The following BRCA1 variants were observed in gnomAD, a reference collection of about 807,000 sequenced individuals.
BRCA1 encodes the protein breast cancer type 1 susceptibility protein.
A neutral mutation model predicts 173.7 loss-of-function variants in BRCA1; 140 were observed. The observed-to-expected ratio is 0.81, with a 90% confidence interval of 0.70 to 0.93. The LOEUF (loss-of-function observed/expected upper bound fraction) is 0.93. Among genes scored for constraint, BRCA1 ranks in the 40% least tolerant of loss-of-function variants. BRCA1 has a pLI of 0.00. For synonymous variants in BRCA1, 662 were observed against 756.0 expected, an observed-to-expected ratio of 0.88 and a Z score of 2.04; for missense variants, 1,983 against 2,172.5, an observed-to-expected ratio of 0.91 and a Z score of 1.73.
intron 19 of BRCA1, among the ~76,000 whole-genome samples, chr17:43,056,407 T>C (rs751814703): frequency 7.2e-5 from 11 of 152,092 alleles, no homozygotes; most frequent in Non-Finnish European, 5.9e-5. Context: ...TCGAACTCCT[T>C]GGCTCAAGCG....
chr17:43,096,376 C>CAAAAAAAAAAAAAAAAAAAAAAAAAAA (rs71160005), intron 8 of BRCA1, among the ~76,000 whole-genome samples: 1 of 74,210 alleles, frequency 1.3e-5, no homozygotes, highest in Non-Finnish European at 2.6e-5. Flanking sequence ...GACTCTGTCT[C>CAAAAAAAAAAAAAAAAAAAAAAAAAAA]AAAAAAAAAA....
chr17:43,130,961 C>A (rs1000343938), intron 1 of BRCA1, among the ~76,000 whole-genome samples: 1 of 152,162 alleles, frequency 6.6e-6, no homozygotes, highest in East Asian at 1.9e-4. Context: ...GTTCTGACTT[C>A]TTCTATGAAT....
intron 8 of BRCA1, among the ~76,000 whole-genome samples, chr17:43,096,465 G>GC (rs2054143025): frequency 6.6e-6 from 1 of 150,668 alleles, no homozygotes; most frequent in Non-Finnish European, 1.5e-5. Context: ...CCAGCTACTC[G>GC]TGAGATTGAG....
chr17:43,100,943 C>T (rs2054447739), intron 6 of BRCA1, among the ~76,000 whole-genome samples: 1 of 151,076 alleles, frequency 6.6e-6, no homozygotes, highest in African/African-American at 2.4e-5. Context: ...GTTGGCCAGG[C>T]TGGTCTCACA....
chr17:43,077,335 CTT>C (rs68171917), intron 12 of BRCA1, among the ~76,000 whole-genome samples: 4 of 145,628 alleles, frequency 2.7e-5, no homozygotes, highest in Non-Finnish European at 3.0e-5. Context: ...CATGTTAGTT[CTT>C]TTTTTTTTTT....
intron 1 of BRCA1, among the ~76,000 whole-genome samples, chr17:43,135,390 G>A (rs1052986159): frequency 1.3e-5 from 2 of 152,258 alleles, no homozygotes; most frequent in Admixed American, 1.3e-4. Context: ...TGCTGTGGCG[G>A]TAGCTCACCA....
At chr17:43,048,020 G>A (rs1223824697) in intron 21 of BRCA1, among the ~76,000 whole-genome samples, 6 of 151,778 alleles carry the variant, frequency 4.0e-5, no homozygotes, top group South Asian at 2.1e-4. Flanking sequence ...CTTCACCCCC[G>A]GGATTATAGG....
chr17:43,142,203 T>C (rs2056080518), intron 1 of BRCA1, among the ~76,000 whole-genome samples: 2 of 152,224 alleles, frequency 1.3e-5, no homozygotes. Flanking sequence ...CGTGAGCCAC[T>C]GTGCCCAGCC....
rs886377861 is a variant in BRCA1 at position 43,044,304 on chromosome 17, T to G, written c.*1374A>C. The G allele has an allele frequency of 4.2e-6, 2 of 473,340 alleles. No homozygotes were observed. Among genetic ancestry groups the G allele is most frequent in the Admixed American group, 4.8e-5 (2 of 41,476 alleles). 29.3% of individuals were successfully genotyped at this position (473,340 alleles called of 1,614,324 possible). A position where few individuals can be genotyped will look rare whatever the true frequency, so the allele number is the denominator to read the frequency against. ...GAACAGTCATTCATGGTGGAAGTGTTTGCTACCAAGTTTATTTGCAGTGTT... is the reference window on the plus strand; with the variant it reads ...GAACAGTCATTCATGGTGGAAGTGTGTGCTACCAAGTTTATTTGCAGTGTT... On this transcript the variant is annotated 3_prime_UTR_variant, in exon 23 of 23. Transcript: ENST00000357654.
intron 15 of BRCA1, among the ~76,000 whole-genome samples, 174 bp from the exon 16 acceptor site, chr17:43,067,869 C>T (rs1597826687): frequency 1.1e-5 from 1 of 88,504 alleles, no homozygotes; most frequent in Non-Finnish European, 2.1e-5. Context: ...CAGAGTCTTG[C>T]TCTGTCACCC....
chr17:43,100,393 G>A (rs895131569), intron 6 of BRCA1, among the ~76,000 whole-genome samples: 5 of 148,470 alleles, frequency 3.4e-5, no homozygotes, highest in Admixed American at 6.9e-5. Flanking sequence ...CCAGGCTGGA[G>A]TGCAGTGGCG....
At chr17:43,164,753 C>T (rs1255692800) in intron 1 of BRCA1, 2 of 152,114 alleles carry the variant, frequency 1.3e-5, no homozygotes, top group Non-Finnish European at 2.9e-5. Context: ...TCGAGTTTTT[C>T]TTCTTTCCAC....
chr17:43,127,455 A>T (rs536239640), upstream of BRCA1, among the ~76,000 whole-genome samples: 22 of 152,326 alleles, frequency 1.4e-4, no homozygotes, highest in Non-Finnish European at 2.1e-4. Flanking sequence ...CTCTGTGTCT[A>T]GCTCAAGGTT....
intron 1 of BRCA1, among the ~76,000 whole-genome samples, chr17:43,137,297 G>A (rs1290486562): frequency 1.0e-5 from 1 of 99,574 alleles, no homozygotes; most frequent in Non-Finnish European, 1.9e-5. Flanking sequence ...GGAGGGGGGA[G>A]GGATAGCATT....
In BRCA1 at chr17:43,071,179, G is replaced by C. The variant is rs145466894; in HGVS notation, c.4735C>G (p.Pro1579Ala). 4.3e-6 allele frequency: 7 copies of C among 1,614,060 alleles called. No homozygotes were observed. In the African/African-American group the frequency reaches 9.3e-5, roughly 22 times the overall value. ...GACTCTGGGGCTCTGTCTTCAGAAGGATCAGATTCAGGGTCATCAGAGAAG... is the reference window on the plus strand; with the variant it reads ...GACTCTGGGGCTCTGTCTTCAGAAGCATCAGATTCAGGGTCATCAGAGAAG... ...SLFSDDPESD[P>A]SEDRAPESAR... The change falls in exon 15 of 23, where the codon CCT becomes GCT. Residue 1579 changes from proline (P) to alanine (A), a missense_variant. Physicochemically the swap from Pro to Ala is conservative, Grantham distance 27 (BLOSUM62 -1). Coordinates refer to ENST00000357654, the MANE Select transcript of BRCA1 (RefSeq NM_007294.4).
At chr17:43,151,100 G>C (rs1415323904) in intron 1 of BRCA1, among the ~76,000 whole-genome samples, 10 of 152,148 alleles carry the variant, frequency 6.6e-5, no homozygotes, top group Admixed American at 6.6e-4. Context: ...GGGGGCAATG[G>C]GACAGTGAAA....
chr17:43,155,694 G>A (rs763389794), intron 1 of BRCA1, among the ~76,000 whole-genome samples: 20 of 152,020 alleles, frequency 1.3e-4, no homozygotes, highest in Non-Finnish European at 2.8e-4. Flanking sequence ...TGCCATGCCT[G>A]GCTAATTTTT....
In BRCA1 at chr17:43,124,062, T is replaced by G. The variant is rs1555601006; in HGVS notation, c.35A>C (p.Gln12Pro). The part of the protein sequence containing the change: ...DLSALRVEEV[Q>P]NVINAMQKIL... ...TTTCTGCATAGCATTAATGACATTT[T>G]GTACTTCTTCAACGCGAAGAGCAGA... Residue 12 changes from glutamine (Q) to proline (P), a missense_variant, in exon 2 of 23, where the codon CAA becomes CCA. Gln to Pro is a moderately conservative substitution (Grantham distance 76). Transcript: ENST00000357654. 6.2e-7 allele frequency: 1 copy of G among 1,613,850 alleles called. No homozygotes were observed. The highest frequency in any genetic ancestry group is 8.5e-7 in the Non-Finnish European group (1 of 1,179,856).
At chr17:43,050,236 T>C (rs567636286) in intron 20 of BRCA1, 1 of 397,178 alleles carries the variant, frequency 2.5e-6, no homozygotes, top group African/African-American at 2.1e-5. Flanking sequence ...AAGGCCTTTG[T>C]GCTGCGCAAC....
Sources: gnomAD v4.1 joint callset for allele counts (sites outside exome capture counted in the v4.1 genomes callset) on GRCh38, gnomAD v4.1.1 for gene constraint, MANE v1.5 for transcripts, NCBI Gene and HGNC (gene_info 2026-07-23, HGNC 2026-07-21) for gene names.